The following ERBB4 variants were observed in gnomAD, a reference collection of about 807,000 sequenced individuals.
ERBB4 encodes the protein receptor tyrosine-protein kinase erbB-4.
In ERBB4, 42 loss-of-function variants were observed where a neutral mutation model predicts 158.0. The ratio of observed to expected loss-of-function variants is 0.27; its 90% CI spans 0.21 to 0.34. The LOEUF is 0.34. ERBB4 is among the 10% of genes least tolerant of loss of function. The pLI is 1.00. For synonymous variants in ERBB4, 583 were observed against 558.7 expected (o/e 1.04, Z -0.61); for missense variants, 1,333 against 1,624.1 (o/e 0.82, Z 3.08).
intron 1 of ERBB4, among the ~76,000 whole-genome samples, chr2:212,170,338 T>C (rs1350350484): frequency 1.3e-5 from 2 of 152,160 alleles, no homozygotes; most frequent in African/African-American, 4.8e-5. Flanking sequence ...AGATTTGATC[T>C]GAAATTGGAA....
chr2:212,126,725 G>T (rs1163631826), intron 1 of ERBB4, among the ~76,000 whole-genome samples: 2 of 152,104 alleles, frequency 1.3e-5, no homozygotes, highest in Non-Finnish European at 2.9e-5. Flanking sequence ...ACACAGCTTA[G>T]TAATAAGGTA....
At chr2:211,839,366 A>T (rs1231779335) in intron 3 of ERBB4, among the ~76,000 whole-genome samples, 1 of 32,518 alleles carries the variant, frequency 3.1e-5, no homozygotes, top group Non-Finnish European at 1.3e-4. Flanking sequence ...AAGATATAAT[A>T]AAAAAAAATA....
At chr2:212,499,103 T>C (rs565786502) in intron 1 of ERBB4, among the ~76,000 whole-genome samples, 14 of 152,042 alleles carry the variant, frequency 9.2e-5, no homozygotes, top group Non-Finnish European at 1.9e-4. Context: ...TCAGATTATA[T>C]TCATAAAATG....
At chr2:211,936,980 T>C (rs568433566) in intron 3 of ERBB4, among the ~76,000 whole-genome samples, 5 of 152,188 alleles carry the variant, frequency 3.3e-5, no homozygotes, top group Non-Finnish European at 7.4e-5. Context: ...CAGTACACAG[T>C]TTCACCATTA....
chr2:212,473,303 C>T (rs1479346470), intron 1 of ERBB4, among the ~76,000 whole-genome samples: 1 of 151,946 alleles, frequency 6.6e-6, no homozygotes, highest in Non-Finnish European at 1.5e-5. Context: ...AAGATGACTA[C>T]TGTTGTCTTT....
At chr2:212,346,322 A>T (rs2088998635) in intron 1 of ERBB4, among the ~76,000 whole-genome samples, 1 of 152,034 alleles carries the variant, frequency 6.6e-6, no homozygotes, top group South Asian at 2.1e-4. Context: ...CCCCCAAGAA[A>T]AGCCACAAAT....
Position 212,391,573 on chromosome 2 carries a change from A to G in ERBB4, c.82+146876T>C, listed in dbSNP as rs955988843. On this transcript the variant is annotated intron_variant, in intron 1 of 27. Coordinates refer to ENST00000342788, the MANE Select transcript of ERBB4 (RefSeq NM_005235.3). ...CACCAACAGCACTGTCTATAAAATT[A>G]TGGATTCTTCAAAGTCTCTCCTGTA... Among the ~76,000 whole-genome samples, 14 of 146,080 alleles carry G rather than the reference A, an allele frequency of 9.6e-5. 1 individual carries two copies. Among genetic ancestry groups the G allele is most frequent in the African/African-American group, 3.7e-4 (14 of 38,276 alleles).
intron 1 of ERBB4, among the ~76,000 whole-genome samples, chr2:212,194,959 T>C (rs2082379136): frequency 6.6e-6 from 1 of 151,972 alleles, no homozygotes; most frequent in Admixed American, 6.6e-5. Flanking sequence ...GATTAATTGG[T>C]ATATACTGAA....
intron 1 of ERBB4, among the ~76,000 whole-genome samples, chr2:212,502,070 T>C (rs528851980): frequency 1.3e-5 from 2 of 152,072 alleles, no homozygotes; most frequent in Non-Finnish European, 2.9e-5. Flanking sequence ...AATGAAAAGT[T>C]GTGCTTTCCC....
chr2:212,089,895 TTC>T (rs1437876971), intron 2 of ERBB4, among the ~76,000 whole-genome samples: 3 of 152,178 alleles, frequency 2.0e-5, no homozygotes, highest in Non-Finnish European at 4.4e-5. Context: ...ATTTTAATTG[TTC>T]TGAAATCTCT....
intron 1 of ERBB4, among the ~76,000 whole-genome samples, chr2:212,265,933 A>T (rs1197756507): frequency 6.6e-6 from 1 of 152,068 alleles, no homozygotes; most frequent in Non-Finnish European, 1.5e-5. Flanking sequence ...CTGAAGTGGC[A>T]TATAGTATAT....
chr2:212,129,779 T>A (rs558145144), intron 1 of ERBB4, among the ~76,000 whole-genome samples: 1 of 152,078 alleles, frequency 6.6e-6, no homozygotes, highest in Admixed American at 6.5e-5. Flanking sequence ...ATCACAATAC[T>A]CTATTTGCCA....
At chr2:211,721,156 G>C (rs1051159436) in intron 7 of ERBB4, among the ~76,000 whole-genome samples, 1 of 152,148 alleles carries the variant, frequency 6.6e-6, no homozygotes, top group Non-Finnish European at 1.5e-5. Context: ...ACTGTGTTGT[G>C]TGCATTTTGA....
intron 1 of ERBB4, among the ~76,000 whole-genome samples, chr2:212,409,935 G>A (rs73062313): frequency 0.023 from 3,543 of 152,010 alleles, 136 homozygotes; most frequent in African/African-American, 0.08. Flanking sequence ...ATCTAAATTC[G>A]TGTATTCTAG....
At chr2:211,658,134 T>C in intron 15 of ERBB4, 1 of 577,732 alleles carries the variant, frequency 1.7e-6, no homozygotes, top group South Asian at 1.8e-5. Context: ...GCCAGGAAGA[T>C]TTTTGCTTGA....
At chr2:211,462,973 T>C (rs557617154) in intron 20 of ERBB4, among the ~76,000 whole-genome samples, 3 of 152,184 alleles carry the variant, frequency 2.0e-5, no homozygotes, top group Non-Finnish European at 4.4e-5. Context: ...AGCAGTTTGT[T>C]GCTCTTTAGG....
chr2:211,913,696 G>C (rs183554844), intron 3 of ERBB4, among the ~76,000 whole-genome samples: 1 of 150,150 alleles, frequency 6.7e-6, no homozygotes, highest in Non-Finnish European at 1.5e-5. Context: ...TATATACATA[G>C]AGAGAGAGAG....
chr2:211,494,823 T>C (rs370011576), intron 20 of ERBB4, among the ~76,000 whole-genome samples: 57 of 152,252 alleles, frequency 3.7e-4, no homozygotes, highest in East Asian at 2.9e-3. Flanking sequence ...AGTCATCTCA[T>C]GTGAACCAGG....
At chr2:211,960,600 T>A (rs555639814) in intron 2 of ERBB4, 2 of 152,236 alleles carry the variant, frequency 1.3e-5, no homozygotes, top group South Asian at 4.1e-4. Context: ...ATGCCAGAAA[T>A]TTGTTACTCA....
Sources: allele counts gnomAD v4.1 joint callset (sites outside exome capture counted in the v4.1 genomes callset), GRCh38; gene constraint gnomAD v4.1.1; transcripts MANE v1.5; gene names NCBI Gene and HGNC (gene_info 2026-07-23, HGNC 2026-07-21).